PPM1H: variants seen among roughly 807,000 people sequenced by gnomAD.
PPM1H encodes the protein protein phosphatase, Mg2+/Mn2+ dependent 1H, also known as protein phosphatase 1H.
PPM1H carries 27 observed loss-of-function variants against 54.9 expected under a neutral mutation model. The observed-to-expected ratio is 0.49, with a 90% CI of 0.36 to 0.68. The LOEUF (loss-of-function observed/expected upper bound fraction) is 0.68, where lower values mean the gene tolerates loss of function less well. Ranked by LOEUF, PPM1H falls within the 30% of genes least tolerant of loss-of-function variation. The pLI, the probability that PPM1H is intolerant of heterozygous loss-of-function variation, is 0.00. For missense variants in PPM1H, 596 were observed against 667.8 expected (o/e 0.89, Z 1.19); for synonymous variants, 305 against 270.8 (o/e 1.13, Z -1.24).
intron 9 of PPM1H, among the ~76,000 whole-genome samples, chr12:62,653,295 C>T (rs1200005975): frequency 2.6e-5 from 4 of 152,190 alleles, no homozygotes; most frequent in African/African-American, 9.7e-5. Context: ...GATATTGCCT[C>T]TCCTCTATTT....
At chr12:62,898,315 A>G (rs1871058387) in intron 1 of PPM1H, among the ~76,000 whole-genome samples, 1 of 152,200 alleles carries the variant, frequency 6.6e-6, no homozygotes, top group Non-Finnish European at 1.5e-5. Flanking sequence ...AGTACGGAGC[A>G]GAAAGTCCTC....
intron 4 of PPM1H, among the ~76,000 whole-genome samples, chr12:62,785,081 C>G (rs1296394548): frequency 6.6e-6 from 1 of 152,068 alleles, no homozygotes; most frequent in Non-Finnish European, 1.5e-5. Context: ...TTTAGAGATA[C>G]TGCTTTTTTG....
intron 1 of PPM1H, among the ~76,000 whole-genome samples, chr12:62,859,424 G>A (rs1869517004): frequency 6.6e-6 from 1 of 152,158 alleles, no homozygotes; most frequent in African/African-American, 2.4e-5. Flanking sequence ...GCAGTGACTT[G>A]CATTTTAAAC....
intron 4 of PPM1H, among the ~76,000 whole-genome samples, chr12:62,765,998 T>C (rs945230728): frequency 6.6e-6 from 1 of 152,172 alleles, no homozygotes; most frequent in African/African-American, 2.4e-5. Context: ...AAGGAAGTGG[T>C]GTGGCCACCC....
At chr12:62,796,568 C>T (rs918002963) in intron 3 of PPM1H, among the ~76,000 whole-genome samples, 10 of 152,168 alleles carry the variant, frequency 6.6e-5, no homozygotes, top group African/African-American at 2.2e-4. Context: ...GTGGAGCTTC[C>T]ATGCCCTCAC....
At chr12:62,684,876 G>A (rs2076042797) in intron 8 of PPM1H, among the ~76,000 whole-genome samples, 1 of 152,102 alleles carries the variant, frequency 6.6e-6, no homozygotes, top group Non-Finnish European at 1.5e-5. Flanking sequence ...GAATGCTTTT[G>A]TCACTACCAC....
chr12:62,694,163 T>C (rs2076100533), intron 6 of PPM1H, among the ~76,000 whole-genome samples, 164 bp from the exon 7 acceptor site: 1 of 152,200 alleles, frequency 6.6e-6, no homozygotes, highest in African/African-American at 2.4e-5. Context: ...GAATTGTGTG[T>C]GTGTGTCTTT....
chr12:62,798,079 A>G (rs1015959754), intron 3 of PPM1H, among the ~76,000 whole-genome samples: 2 of 152,244 alleles, frequency 1.3e-5, no homozygotes, highest in African/African-American at 4.8e-5. Flanking sequence ...ACAGGTCTCA[A>G]TCCATTCAGT....
chr12:62,874,611 A>G (rs990692979), intron 1 of PPM1H, among the ~76,000 whole-genome samples: 3 of 152,182 alleles, frequency 2.0e-5, no homozygotes, highest in Non-Finnish European at 4.4e-5. Flanking sequence ...ATTGGGATCT[A>G]AGAAACTAGG....
intron 2 of PPM1H, among the ~76,000 whole-genome samples, chr12:62,823,010 A>G (rs1163771862): frequency 4.6e-5 from 7 of 152,202 alleles, no homozygotes; most frequent in African/African-American, 1.4e-4. Flanking sequence ...AGACTAATAA[A>G]AAAGAAAAGA....
intron 6 of PPM1H, among the ~76,000 whole-genome samples, chr12:62,705,980 C>G (rs2076172067): frequency 6.6e-6 from 1 of 152,208 alleles, no homozygotes; most frequent in African/African-American, 2.4e-5. Flanking sequence ...GCGGCTTTCC[C>G]TCACGAAGCT....
chr12:62,772,680 A>G (rs959146475), intron 4 of PPM1H, among the ~76,000 whole-genome samples: 10 of 152,216 alleles, frequency 6.6e-5, no homozygotes, highest in African/African-American at 2.4e-4. Flanking sequence ...AACCCTTATG[A>G]AGGGATTCTG....
chr12:62,782,467 G>A (rs1343799335), intron 4 of PPM1H, among the ~76,000 whole-genome samples: 1 of 152,056 alleles, frequency 6.6e-6, no homozygotes, highest in East Asian at 1.9e-4. Flanking sequence ...AGCTTTAACT[G>A]TAAAGGGGGG....
intron 2 of PPM1H, among the ~76,000 whole-genome samples, chr12:62,804,550 TC>T (rs2076793141): frequency 6.6e-6 from 1 of 152,098 alleles, no homozygotes; most frequent in African/African-American, 2.4e-5. Flanking sequence ...TTTTTTGGTA[TC>T]CTTCTCTCTT....
intron 2 of PPM1H, among the ~76,000 whole-genome samples, chr12:62,827,188 T>C (rs1454288670): frequency 1.3e-5 from 2 of 152,176 alleles, no homozygotes; most frequent in Non-Finnish European, 2.9e-5. Flanking sequence ...AGAATCAGTA[T>C]ACTCAAAACG....
At chr12:62,733,262 C>G (rs939681545) in intron 5 of PPM1H, among the ~76,000 whole-genome samples, 13 of 152,058 alleles carry the variant, frequency 8.5e-5, no homozygotes, top group Non-Finnish European at 1.6e-4. Context: ...TCTCCACCCC[C>G]CTCCCTGCCA....
intron 4 of PPM1H, among the ~76,000 whole-genome samples, chr12:62,741,415 G>A (rs546245670): frequency 2.0e-5 from 3 of 152,290 alleles, no homozygotes; most frequent in Admixed American, 6.5e-5. Flanking sequence ...TTAAAGCACC[G>A]CTCTCATCAT....
chr12:62,759,220 G>A (rs921849652), intron 4 of PPM1H, among the ~76,000 whole-genome samples: 4 of 152,162 alleles, frequency 2.6e-5, no homozygotes, highest in African/African-American at 7.2e-5. Flanking sequence ...CCGAAGACTC[G>A]GGTAAGTGGG....
intron 4 of PPM1H, among the ~76,000 whole-genome samples, chr12:62,745,234 A>C (rs1251970144): frequency 6.6e-6 from 1 of 151,838 alleles, no homozygotes; most frequent in Non-Finnish European, 1.5e-5. Context: ...AATTATTATT[A>C]TTTTCTTTAT....
Sources: allele counts gnomAD v4.1 joint callset (sites outside exome capture counted in the v4.1 genomes callset), GRCh38; gene constraint gnomAD v4.1.1; transcripts MANE v1.5; gene names NCBI Gene and HGNC (gene_info 2026-07-23, HGNC 2026-07-21).